RBFOX1: variants seen among roughly 807,000 people sequenced by gnomAD.
RBFOX1 encodes the protein RNA binding protein fox-1 homolog 1.
A neutral mutation model predicts 57.7 loss-of-function variants in RBFOX1; 8 were observed. The ratio of observed to expected loss-of-function variants is 0.14; its 90% confidence interval spans 0.08 to 0.25. RBFOX1 has a LOEUF of 0.25. Ranked by LOEUF, RBFOX1 falls within the 10% of genes least tolerant of loss-of-function variation. The probability of loss-of-function intolerance (pLI) is 1.00; values close to 1 mark genes in which losing one functional copy is unlikely to be tolerated. For synonymous variants in RBFOX1, 326 were observed against 222.4 expected, an observed-to-expected ratio of 1.47 and a Z score of -4.15; for missense variants, 611 against 548.5, an observed-to-expected ratio of 1.11 and a Z score of -1.14.
At chr16:5,854,196 C>A in intron 3 of RBFOX1, among the ~76,000 whole-genome samples, 1 of 152,244 alleles carries the variant, frequency 6.6e-6, no homozygotes, top group East Asian at 1.9e-4. Context: ...GGTGAGAACA[C>A]GTAAGATCAA....
intron 2 of RBFOX1, among the ~76,000 whole-genome samples, chr16:6,589,138 A>C (rs2097673990): frequency 6.6e-6 from 1 of 152,182 alleles, no homozygotes; most frequent in African/African-American, 2.4e-5. Context: ...TACCCACTTT[A>C]GTAGAACCAT....
chr16:6,461,961 G>T (rs997776093), intron 2 of RBFOX1, among the ~76,000 whole-genome samples: 3 of 152,162 alleles, frequency 2.0e-5, no homozygotes, highest in Non-Finnish European at 2.9e-5. Flanking sequence ...CCAGGGGCTT[G>T]TATGTTGAAT....
rs2097133636 is a variant in RBFOX1, at chr16:6,190,329, C to T, written c.-126-126666C>T. 2.0e-5 allele frequency among the ~76,000 whole-genome samples: 3 copies of T among 152,088 alleles called. No homozygotes were observed. In the South Asian group the frequency reaches 6.2e-4, roughly 32 times the overall value. On this transcript the variant is annotated intron_variant, in intron 1 of 15. Coordinates refer to ENST00000550418, the MANE Select transcript of RBFOX1 (RefSeq NM_018723.4). ...ACTAAGTAGTAATGTTAGGATGTGT[C>T]CTATAGACGTTGTTCTGTATATAGT...
chr16:6,792,368 C>T (rs1310655124), intron 3 of RBFOX1, among the ~76,000 whole-genome samples: 1 of 152,120 alleles, frequency 6.6e-6, no homozygotes, highest in Non-Finnish European at 1.5e-5. Flanking sequence ...TCTATAATTG[C>T]ATATCTTTAT....
intron 3 of RBFOX1, among the ~76,000 whole-genome samples, chr16:7,027,117 C>G (rs1202559308): frequency 2.6e-5 from 4 of 152,160 alleles, no homozygotes; most frequent in Admixed American, 6.5e-5. Context: ...CTCCTAAACG[C>G]TTTCTATGCC....
In RBFOX1 at chr16:6,879,328, A is replaced by C. The variant is rs147864623; in HGVS notation, c.-15-172729A>C. ...CCATAAATTTTCTTTGCTATAATTA[A>C]CTTCAGACACTCTGTCTCCTATCTT... On this transcript the variant is annotated intron_variant, in intron 3 of 15. Transcript: ENST00000550418. Among the ~76,000 whole-genome samples the C allele has an allele frequency of 1.6e-4, 25 of 152,278 alleles. No individual in the cohort carries two copies. In the East Asian group the frequency reaches 3.5e-3, roughly 21 times the overall value.
intron 2 of RBFOX1, among the ~76,000 whole-genome samples, chr16:5,482,126 A>T (rs2069564858): frequency 6.6e-6 from 1 of 152,186 alleles, no homozygotes; most frequent in South Asian, 2.1e-4. Context: ...TGATAAACAC[A>T]TGAGCCATCA....
intron 1 of RBFOX1, among the ~76,000 whole-genome samples, chr16:6,091,464 C>T (rs147088929): frequency 8.2e-4 from 125 of 152,054 alleles, no homozygotes; most frequent in Non-Finnish European, 3.5e-4. Flanking sequence ...ATAGGGTGAG[C>T]GGTCTATATC....
rs187087411 is a variant in RBFOX1, at chr16:5,979,541, C to T, written c.351+112206C>T. Among the ~76,000 whole-genome samples the T allele has an allele frequency of 1.1e-4, 17 of 152,286 alleles. No individual in the cohort carries two copies. In the South Asian group the frequency reaches 1.7e-3, roughly 15 times the overall value. ...ATTGCCCTCATGTAATCCTTACATT[C>T]TCTCAGTTAAGTTTCACCACGTAGA... On this transcript the variant is annotated intron_variant, in intron 4 of 19. Transcript: ENST00000641259.
chr16:5,365,690 A>T, intron 1 of RBFOX1: 2 of 341,422 alleles, frequency 5.9e-6, no homozygotes, highest in Admixed American at 8.1e-5. Flanking sequence ...AAAAAAATAA[A>T]AAGAGCTTTC....
At chr16:6,892,221 A>G (rs897077420) in intron 3 of RBFOX1, among the ~76,000 whole-genome samples, 2 of 152,136 alleles carry the variant, frequency 1.3e-5, no homozygotes, top group African/African-American at 2.4e-5. Flanking sequence ...GAACTTCCCC[A>G]GAGCTCCTTC....
intron 14 of RBFOX1, among the ~76,000 whole-genome samples, chr16:7,705,292 G>C (rs1020784654): frequency 6.6e-6 from 1 of 152,084 alleles, no homozygotes; most frequent in Non-Finnish European, 1.5e-5. Flanking sequence ...GGATCACGAG[G>C]TCAGGAGATC....
intron 2 of RBFOX1, among the ~76,000 whole-genome samples, chr16:6,476,147 A>C (rs934159258): frequency 1.1e-4 from 17 of 152,304 alleles, no homozygotes; most frequent in African/African-American, 3.1e-4. Context: ...CTTTTCTTAT[A>C]TTTACATCTG....
intron 1 of RBFOX1, among the ~76,000 whole-genome samples, chr16:5,381,958 T>C (rs2066141381): frequency 6.6e-6 from 1 of 152,206 alleles, no homozygotes; most frequent in Non-Finnish European, 1.5e-5. Flanking sequence ...GTGGGAGCTT[T>C]TGTGGCATTC....
intron 1 of RBFOX1, among the ~76,000 whole-genome samples, chr16:6,033,426 A>C (rs1394385729): frequency 6.6e-6 from 1 of 152,220 alleles, no homozygotes; most frequent in Non-Finnish European, 1.5e-5. Flanking sequence ...AGAGACAACT[A>C]TTTTTATAGT....
intron 2 of RBFOX1, among the ~76,000 whole-genome samples, chr16:6,372,526 G>C (rs1039583620): frequency 6.6e-6 from 1 of 151,894 alleles, no homozygotes; most frequent in Non-Finnish European, 1.5e-5. Flanking sequence ...AGGATAGCTG[G>C]TTAGGATCTT....
chr16:6,846,381 T>A (rs984856574), intron 3 of RBFOX1, among the ~76,000 whole-genome samples: 2 of 152,188 alleles, frequency 1.3e-5, no homozygotes, highest in Non-Finnish European at 2.9e-5. Flanking sequence ...GCAAGCTGTA[T>A]TGCTGAAAAG....
chr16:7,179,175 G>T (rs945225469), intron 4 of RBFOX1, among the ~76,000 whole-genome samples: 2 of 151,614 alleles, frequency 1.3e-5, no homozygotes, highest in Non-Finnish European at 2.9e-5. Flanking sequence ...TAGGAGGTTG[G>T]GATAAAACAA....
chr16:7,007,070 T>A (rs1004511780), intron 3 of RBFOX1, among the ~76,000 whole-genome samples: 34 of 152,254 alleles, frequency 2.2e-4, no homozygotes, highest in African/African-American at 7.9e-4. Context: ...ACACTGTGAG[T>A]TTTTCTCAAC....
Sources: gnomAD v4.1 joint callset for allele counts (sites outside exome capture counted in the v4.1 genomes callset) on GRCh38, gnomAD v4.1.1 for gene constraint, MANE v1.5 for transcripts, NCBI Gene and HGNC (gene_info 2026-07-23, HGNC 2026-07-21) for gene names.